Variants in JPH3 observed in about 807,000 individuals in gnomAD.
The protein encoded by JPH3 is junctophilin-3.
A neutral mutation model predicts 59.6 loss-of-function variants in JPH3; 11 were observed. That is an observed-to-expected ratio of 0.18 (90% CI 0.12 to 0.31). The LOEUF (loss-of-function observed/expected upper bound fraction) is 0.31. Ranked by LOEUF, JPH3 falls within the 10% of genes least tolerant of loss-of-function variation. JPH3 has a pLI of 1.00. For synonymous variants in JPH3, 673 were observed against 483.6 expected, an observed-to-expected ratio of 1.39 and a Z score of -5.14; for missense variants, 1,202 against 1,105.7, an observed-to-expected ratio of 1.09 and a Z score of -1.24.
chr16:87,616,736 G>A (rs1028340636), intron 1 of JPH3, among the ~76,000 whole-genome samples: 13 of 152,242 alleles, frequency 8.5e-5, no homozygotes, highest in South Asian at 2.1e-4. Flanking sequence ...GGGAGCACCC[G>A]CGCCCCGGGG....
At chr16:87,659,853 C>T (rs527919111) in intron 2 of JPH3, among the ~76,000 whole-genome samples, 4 of 152,186 alleles carry the variant, frequency 2.6e-5, no homozygotes, top group South Asian at 4.1e-4. Context: ...AAATGACACC[C>T]TGGACCCTTG....
In JPH3 at chr16:87,646,129, C is replaced by T. The variant is rs147454656; in HGVS notation, c.1160+1094C>T. On this transcript the variant is annotated intron_variant, in intron 2 of 4. Coordinates refer to ENST00000284262, the MANE Select transcript of JPH3 (RefSeq NM_020655.4). ...GTCTTTCTGGATGGCTTTGTGTTCT[C>T]AGCCAGGGGCAGACCTGGAGTTCCT... 2.7e-3 allele frequency among the ~76,000 whole-genome samples: 408 copies of T among 152,300 alleles called. 4 individuals are homozygous for T. Among genetic ancestry groups the T allele is most frequent in the African/African-American group, 9.1e-3 (378 of 41,568 alleles).
intron 2 of JPH3, 71 bp from the exon 3 acceptor site, chr16:87,684,071 G>C: frequency 8.5e-7 from 1 of 1,170,084 alleles, no homozygotes; most frequent in Non-Finnish European, 1.3e-6. Flanking sequence ...GGGGTTGGCA[G>C]AGTACCTCAA....
chr16:87,643,635 C>T (rs2032030112), intron 1 of JPH3, among the ~76,000 whole-genome samples: 1 of 152,330 alleles, frequency 6.6e-6, no homozygotes, highest in Non-Finnish European at 1.5e-5. Context: ...GTGCCCTTGG[C>T]AGGGGCTCCG....
In JPH3 at chr16:87,610,426, T is replaced by A. The variant is rs2030688670; in HGVS notation, c.382+6898T>A. On this transcript the variant is annotated intron_variant, in intron 1 of 4. Coordinates refer to ENST00000284262, the MANE Select transcript of JPH3 (RefSeq NM_020655.4). ...AGTGTAAGTTCCATATGGGAAGCGG[T>A]TTGTGTCCATGCTGGTCACTGCCAT... 1.3e-5 allele frequency among the ~76,000 whole-genome samples: 2 copies of A among 152,172 alleles called. 1 individual carries two copies. The highest frequency in any genetic ancestry group is 4.1e-4 in the South Asian group (2 of 4,822).
chr16:87,627,392 G>A (rs1476481726), intron 1 of JPH3, among the ~76,000 whole-genome samples: 2 of 152,236 alleles, frequency 1.3e-5, no homozygotes, highest in African/African-American at 2.4e-5. Flanking sequence ...CCTTCTGTAG[G>A]CCTCTGCATG....
At chr16:87,655,807 T>C (rs74039422) in intron 2 of JPH3, among the ~76,000 whole-genome samples, 31,195 of 152,252 alleles carry the variant, frequency 0.2, 3,682 homozygotes, top group East Asian at 0.35. Flanking sequence ...GGTCCCTGCG[T>C]CTGCTCTGCC....
At chr16:87,664,325 C>G (rs1395537698) in intron 2 of JPH3, among the ~76,000 whole-genome samples, 1 of 113,024 alleles carries the variant, frequency 8.8e-6, no homozygotes, top group African/African-American at 3.9e-5. Context: ...GAATGAGACT[C>G]TGTCTGAAAA....
chr16:87,662,701 GC>G (rs1341445819), intron 2 of JPH3, among the ~76,000 whole-genome samples: 1 of 152,222 alleles, frequency 6.6e-6, no homozygotes, highest in African/African-American at 2.4e-5. Context: ...TGCCTTGGGG[GC>G]TTGACTGGCA....
intron 2 of JPH3, among the ~76,000 whole-genome samples, chr16:87,656,162 G>A (rs8046802): frequency 0.095 from 14,402 of 152,250 alleles, 781 homozygotes; most frequent in Middle Eastern, 0.14. Flanking sequence ...GTCTCTGCCC[G>A]CCTATCTCAG....
chr16:87,648,910 G>T (rs1290558371), intron 2 of JPH3, among the ~76,000 whole-genome samples: 1 of 152,248 alleles, frequency 6.6e-6, no homozygotes, highest in Non-Finnish European at 1.5e-5. Context: ...TCCCCAGGAC[G>T]CAGATGCTGC....
chr16:87,604,720 C>A, intron 1 of JPH3: 1 of 1,050,792 alleles, frequency 9.5e-7, no homozygotes, highest in Non-Finnish European at 1.2e-6. Context: ...CCAGGAGTGG[C>A]AGGGGGCTGG....
At chr16:87,604,029 G>A in intron 1 of JPH3, 1 of 947,030 alleles carries the variant, frequency 1.1e-6, no homozygotes, top group Non-Finnish European at 1.3e-6. Flanking sequence ...GGAGTGATGG[G>A]GAGCGCTAGG....
Position 87,662,277 on chromosome 16 carries a change from G to A in JPH3, c.1160+17242G>A, listed in dbSNP as rs150316501. On this transcript the variant is annotated intron_variant, in intron 2 of 4. Transcript: ENST00000284262. ...CCTCTGCCTGGGGAGGTGAGTGTGA[G>A]GAACCCGGTGTACTCTGTCGATGTT... Among the ~76,000 whole-genome samples the A allele has an allele frequency of 1.3e-4, 20 of 152,270 alleles. No individual in the cohort carries two copies. The East Asian group carries it at 3.7e-3, about 28-fold the overall frequency.
chr16:87,602,454 G>GCGGGGGCGCGC (rs2030248633), upstream of JPH3, among the ~76,000 whole-genome samples: 1 of 125,804 alleles, frequency 7.9e-6, no homozygotes, highest in African/African-American at 2.9e-5. Context: ...CGGGGGGCGG[G>GCGGGGGCGCGC]GGGCGGGCGG....
chr16:87,656,073 C>T (rs62053789), intron 2 of JPH3, among the ~76,000 whole-genome samples: 4 of 152,332 alleles, frequency 2.6e-5, no homozygotes, highest in East Asian at 3.9e-4. Flanking sequence ...GAAAGTTAAC[C>T]GATCGGGGTG....
At position 87,644,748 on chromosome 16, in the gene JPH3, G is replaced by T. The variant is rs1234018223; in HGVS notation, c.873G>T (p.Glu291Asp). ...DATTTETYVGEWKNDKRSGFG... is the reference protein window; with the variant it reads ...DATTTETYVGDWKNDKRSGFG... ...CCACCACCGAGACCTACGTGGGCGA[G>T]TGGAAGAACGACAAACGCTCCGGCT... Residue 291 changes from glutamate to aspartate, a missense_variant, in exon 2 of 5, where the codon GAG becomes GAT. Physicochemically the swap from Glu to Asp is conservative, Grantham distance 45. Coordinates refer to ENST00000284262, the MANE Select transcript of JPH3 (RefSeq NM_020655.4). 1.1e-5 allele frequency: 17 copies of T among 1,613,206 alleles called. No homozygotes were observed. Among genetic ancestry groups the T allele is most frequent in the Non-Finnish European group, 1.4e-5 (16 of 1,179,910 alleles).
intron 2 of JPH3, among the ~76,000 whole-genome samples, chr16:87,662,354 A>G (rs1374989972): frequency 1.3e-5 from 2 of 151,772 alleles, no homozygotes; most frequent in African/African-American, 4.8e-5. Flanking sequence ...CACATTCTGC[A>G]TCTCCCAAAA....
At chr16:87,635,697 G>A (rs1286107887) in intron 1 of JPH3, among the ~76,000 whole-genome samples, 2 of 152,192 alleles carry the variant, frequency 1.3e-5, no homozygotes, top group South Asian at 2.1e-4. Flanking sequence ...CATCTCATCC[G>A]CTCTCTGCGA....
Sources: allele counts gnomAD v4.1 joint callset (sites outside exome capture counted in the v4.1 genomes callset), GRCh38; gene constraint gnomAD v4.1.1; transcripts MANE v1.5; gene names NCBI Gene and HGNC (gene_info 2026-07-23, HGNC 2026-07-21).